The following ATP8B2 variants were observed in gnomAD, a reference collection of about 807,000 sequenced individuals.
ATP8B2 encodes ATPase phospholipid transporting 8B2.
Under a neutral mutation model 133.4 loss-of-function variants are expected in ATP8B2, and 70 were observed. The observed-to-expected ratio is 0.52, with a 90% CI of 0.43 to 0.64. ATP8B2 has a LOEUF of 0.64. Ranked by LOEUF, ATP8B2 falls within the 30% of genes least tolerant of loss-of-function variation. The pLI is 0.00. For synonymous variants in ATP8B2, 517 were observed against 589.5 expected, an observed-to-expected ratio of 0.88 and a Z score of 1.78; for missense variants, 1,101 against 1,535.7, an observed-to-expected ratio of 0.72 and a Z score of 4.73.
intron 13 of ATP8B2, 145 bp downstream of exon 13, chr1:154,341,207 A>T: frequency 2.4e-6 from 2 of 843,944 alleles, no homozygotes; most frequent in Non-Finnish European, 3.9e-6. Context: ...CATCCTGGCC[A>T]GGCACGGTGG....
rs1686528350 is a variant in ATP8B2, at chr1:154,344,880, A to C, written c.2287-91A>C. On this transcript the variant is annotated intron_variant, in intron 21 of 27. Transcript: ENST00000368489. The surrounding 1 kb of genome is among the most constrained non-coding windows in gnomAD (Gnocchi z 4.1). ...TTGTTCTAATTTCCCCTGATTTCAGAGAAGACTGGTCTCAAAGGGGACTGG... is the reference window on the plus strand; with the variant it reads ...TTGTTCTAATTTCCCCTGATTTCAGCGAAGACTGGTCTCAAAGGGGACTGG... The C allele has an allele frequency of 1.3e-6, 2 of 1,544,266 alleles. No homozygotes were observed.
rs1686356360 is a variant in ATP8B2 at position 154,340,854 on chromosome 1, T to G, written c.1035T>G (p.Ser345Arg). The change falls in exon 13 of 28, where the codon AGT (serine) becomes AGG (arginine). Residue 345 changes from serine (S) to arginine (R), a missense_variant and splice_region_variant. Transcript: ENST00000368489. This position sits in a 1 kb window ranked among gnomAD's most constrained non-coding sequence, Gnocchi z 4.0. ...GCCTCACCTCTTGTCCCCTGTGCAG[T>G]GTGGAGGTCATCCGTCTGGGCCACA... ...NTVVPISLYV[S>R]VEVIRLGHSY... 9 of 1,613,998 alleles carry G rather than the reference T, an allele frequency of 5.6e-6. No homozygotes were observed. The highest frequency in any genetic ancestry group is 7.6e-6 in the Non-Finnish European group (9 of 1,180,006).
chr1:154,332,138 G>T (rs1686015587), intron 8 of ATP8B2, 114 bp downstream of exon 8: 1 of 1,065,446 alleles, frequency 9.4e-7, no homozygotes, highest in African/African-American at 1.6e-5. Context: ...AAAATTAGGG[G>T]TAAGAAAGGC....
Position 154,332,689 on chromosome 1 carries a change from A to G in ATP8B2, c.581A>G (p.Lys194Arg). The stretch of plus-strand genomic sequence containing the variant: ...TTGGGAGACATCAGTAAGCTTGCCA[A>G]GTTTGACGGTGAGTAATTTTGGAGG... ...SELGDISKLAKFDGEVICEPP... is the reference protein window; with the variant it reads ...SELGDISKLARFDGEVICEPP... The change falls in exon 9 of 28, where the codon AAG becomes AGG. Residue 194 changes from lysine (K) to arginine (R), a missense_variant. By Grantham distance (26) the Lys-to-Arg change is conservative. Transcript: ENST00000368489. The G allele has an allele frequency of 6.3e-7, 1 of 1,575,094 alleles. No homozygotes were observed. Among genetic ancestry groups the G allele is most frequent in the South Asian group, 1.2e-5 (1 of 85,900 alleles).
In ATP8B2 at chr1:154,346,069, C is replaced by A. The variant is rs574868319; in HGVS notation, c.2779-162C>A. 6.6e-6 allele frequency among the ~76,000 whole-genome samples: 1 copy of A among 152,234 alleles called. No individual in the cohort carries two copies. The highest frequency in any genetic ancestry group is 2.4e-5 in the African/African-American group (1 of 41,526). On this transcript the variant is annotated intron_variant, in intron 24 of 27. Transcript: ENST00000368489. The surrounding 1 kb of genome is among the most constrained non-coding windows in gnomAD (Gnocchi z 4.5). ...GCTGATCTAGAACTCTCTTGGGTTG[C>A]TGAACTAAGTTAGTCTGGGGGTAGC...
At chr1:154,339,787 AT>A (rs143256936) in intron 12 of ATP8B2, among the ~76,000 whole-genome samples, 100 of 152,314 alleles carry the variant, frequency 6.6e-4, no homozygotes, top group Non-Finnish European at 1.2e-3. Context: ...ATAGGGCCCC[AT>A]TGCTCGGCTG....
intron 1 of ATP8B2, among the ~76,000 whole-genome samples, chr1:154,326,304 A>G (rs1487208567): frequency 6.6e-6 from 1 of 152,118 alleles, no homozygotes; most frequent in Non-Finnish European, 1.5e-5. Flanking sequence ...CTGACCTGCC[A>G]TCCTCCTCTG....
At chr1:154,339,344 C>T (rs183266557) in intron 12 of ATP8B2, among the ~76,000 whole-genome samples, 1 of 152,256 alleles carries the variant, frequency 6.6e-6, no homozygotes, top group Admixed American at 6.5e-5. Context: ...TTAGTTTTCC[C>T]ACGTGAAACA....
Position 154,346,873 on chromosome 1 carries a change from TTTTATTTA to T in ATP8B2, c.3163+131_3163+138del, listed in dbSNP as rs10664836. ...TCTTATGTGCCAAGTATTCTGTTTA[TTTTATTTA>T]TTTATTTATTTATTTTCGAGAAGGA... On this transcript the variant is annotated intron_variant, in intron 26 of 27. Transcript: ENST00000368489. The surrounding 1 kb of genome is among the most constrained non-coding windows in gnomAD (Gnocchi z 4.5). The T allele has an allele frequency of 2.0e-6, 2 of 1,012,852 alleles. No individual in the cohort carries two copies. The highest frequency in any genetic ancestry group is 1.6e-5 in the African/African-American group (1 of 62,710). 62.7% of individuals were successfully genotyped at this position (1,012,852 alleles called of 1,614,324 possible).
intron 13 of ATP8B2, chr1:154,341,486 T>C (rs564451824): frequency 2.3e-5 from 6 of 266,134 alleles, no homozygotes; most frequent in Non-Finnish European, 3.7e-5. Flanking sequence ...AATGAGGCCC[T>C]GTCTCTCGAG....
intron 1 of ATP8B2, chr1:154,327,768 C>T: frequency 6.2e-7 from 1 of 1,603,130 alleles, no homozygotes; most frequent in Non-Finnish European, 8.5e-7. Context: ...TCATTGCCGC[C>T]AGAACACATG....
intron 13 of ATP8B2, chr1:154,341,749 C>T (rs2010828): frequency 0.13 from 18,928 of 148,812 alleles, 1,261 homozygotes; most frequent in Middle Eastern, 0.2. Flanking sequence ...GCCGAGTTTG[C>T]GCCATTGTAC....
At position 154,348,829 on chromosome 1, in the gene ATP8B2, C is replaced by T; in HGVS notation, c.3295-11C>T. 7 of 1,579,904 alleles carry T rather than the reference C, an allele frequency of 4.4e-6. No homozygotes were observed. The highest frequency in any genetic ancestry group is 6.0e-6 in the Non-Finnish European group (7 of 1,157,942). On this transcript the variant is annotated splice_polypyrimidine_tract_variant and intron_variant, in intron 27 of 27. Coordinates refer to ENST00000368489, the MANE Select transcript of ATP8B2 (RefSeq NM_001370597.1). ...CGCTGACAGAGGGCTCTTCCCTGTG[C>T]CCCTCTGCAGGTCCGCTACACACAG...
At chr1:154,348,792 C>T (rs1686684679) in intron 27 of ATP8B2, 48 bp from the exon 28 acceptor site, 3 of 1,519,046 alleles carry the variant, frequency 2.0e-6, no homozygotes, top group South Asian at 2.5e-5. Flanking sequence ...TTGGCGATAT[C>T]TGACACCTCC....
At chr1:154,348,708 C>CA (rs1558276958) in intron 27 of ATP8B2, 132 bp from the exon 28 acceptor site, 1 of 1,377,104 alleles carries the variant, frequency 7.3e-7, no homozygotes, top group African/African-American at 1.7e-5. Context: ...GCCTCTGCGT[C>CA]AGCCTGGTCC....
At position 154,334,360 on chromosome 1, in the gene ATP8B2, A is replaced by G. The variant is rs1686103854; in HGVS notation, c.748+95A>G. The G allele has an allele frequency of 1.9e-6, 3 of 1,550,738 alleles. No homozygotes were observed. Among genetic ancestry groups the G allele is most frequent in the South Asian group, 1.2e-5 (1 of 85,844 alleles). The stretch of plus-strand genomic sequence containing the variant: ...ATGAGGTGGGAGAATACCTAAGGTA[A>G]AAAACCTCCAGCTGTGTATACAGGC... On this transcript the variant is annotated intron_variant, in intron 10 of 27. Transcript: ENST00000368489. This position sits in a 1 kb window ranked among gnomAD's most constrained non-coding sequence, Gnocchi z 4.6.
chr1:154,329,205 G>A, intron 2 of ATP8B2: 1 of 866,024 alleles, frequency 1.2e-6, no homozygotes, highest in Non-Finnish European at 1.6e-6. Context: ...TCCTGGCTCC[G>A]AAGGATCCAG....
At chr1:154,342,251 G>A (rs1316543191) in intron 13 of ATP8B2, among the ~76,000 whole-genome samples, 1 of 151,758 alleles carries the variant, frequency 6.6e-6, no homozygotes, top group Non-Finnish European at 1.5e-5. Context: ...AGCAGTGGGT[G>A]CCGGGGCTCT....
At position 154,346,192 on chromosome 1, in the gene ATP8B2, C is replaced by A; in HGVS notation, c.2779-39C>A. ...TGGTCATCCAGGGTCAAAACGGCAA[C>A]CTCTGAGGCCCCCTATGCTACATGG... On this transcript the variant is annotated intron_variant, in intron 24 of 27. Transcript: ENST00000368489. This position sits in a 1 kb window ranked among gnomAD's most constrained non-coding sequence, Gnocchi z 4.5. 6.2e-7 allele frequency: 1 copy of A among 1,600,070 alleles called. No individual in the cohort carries two copies. Among genetic ancestry groups the A allele is most frequent in the Non-Finnish European group, 8.5e-7 (1 of 1,172,328 alleles).
Sources: gnomAD v4.1 joint callset for allele counts (sites outside exome capture counted in the v4.1 genomes callset) on GRCh38, gnomAD v4.1.1 for gene constraint, Gnocchi (gnomAD v3.1) non-coding constraint, MANE v1.5 for transcripts, NCBI Gene and HGNC (gene_info 2026-07-23, HGNC 2026-07-21) for gene names.